SYNE3: variants seen among roughly 807,000 people sequenced by gnomAD.
SYNE3 encodes nesprin-3.
Under a neutral mutation model 111.2 loss-of-function variants are expected in SYNE3, and 100 were observed. The observed-to-expected ratio is 0.90, with a 90% confidence interval of 0.77 to 1.06. The LOEUF is 1.06. SYNE3 is among the 50% of genes least tolerant of loss of function. The pLI is 0.00. For missense variants in SYNE3, 1,160 were observed against 1,240.3 expected (o/e 0.94, Z 0.97); for synonymous variants, 547 against 533.9 (o/e 1.02, Z -0.34).
At chr14:95,504,826 AAAG>A (rs956002427) in intron 1 of SYNE3, among the ~76,000 whole-genome samples, 1 of 22,432 alleles carries the variant, frequency 4.5e-5, no homozygotes, top group Non-Finnish European at 9.8e-5. Flanking sequence ...ATCTAAAAAA[AAAG>A]AAAAAAGAAA....
Position 95,475,718 on chromosome 14 carries a change from C to G in SYNE3, c.104G>C (p.Gly35Ala), listed in dbSNP as rs1744198051. Residue 35 changes from glycine (G) to alanine (A), a missense_variant, in exon 2 of 18, where the codon GGA becomes GCA. Transcript: ENST00000682763. ...CCTGGCCTCCAGGGCCGCGCGGGGT[C>G]CCTGCGTGTTGTCATTGACCTGCAG... is the stretch of plus-strand genomic sequence containing the variant. ...DQLQVNDNTQGPRAALEARLW... is the reference protein window; with the variant it reads ...DQLQVNDNTQAPRAALEARLW... 1 of 1,603,540 alleles carries G rather than the reference C, an allele frequency of 6.2e-7. No homozygotes were observed. Among genetic ancestry groups the G allele is most frequent in the Non-Finnish European group, 8.5e-7 (1 of 1,175,808 alleles).
chr14:95,489,652 A>C lies in SYNE3; in HGVS notation c.-14-13817T>G, dbSNP rs561598190. 2.0e-5 allele frequency among the ~76,000 whole-genome samples: 3 copies of C among 152,308 alleles called. No homozygotes were observed. In the East Asian group the frequency reaches 5.8e-4, roughly 29 times the overall value. ...TTATTTTTAGAGACAGGGTCTTGCT[A>C]TGTTGCCCAGGCTGGTCTCAAACTT... On this transcript the variant is annotated intron_variant, in intron 1 of 17. Coordinates refer to ENST00000682763, the MANE Select transcript of SYNE3 (RefSeq NM_152592.6).
At chr14:95,424,026 G>T (rs749727709) in intron 17 of SYNE3, among the ~76,000 whole-genome samples, 3 of 151,994 alleles carry the variant, frequency 2.0e-5, no homozygotes, top group African/African-American at 7.3e-5. Context: ...TGATGAGTGG[G>T]AGGTGCCTGT....
chr14:95,479,897 C>A (rs931357431), intron 1 of SYNE3, among the ~76,000 whole-genome samples: 1 of 152,074 alleles, frequency 6.6e-6, no homozygotes, highest in Admixed American at 6.5e-5. Flanking sequence ...AAGCACTCTG[C>A]ACTCAAAGGT....
At chr14:95,457,645 C>T (rs543079084) in intron 4 of SYNE3, among the ~76,000 whole-genome samples, 2 of 152,178 alleles carry the variant, frequency 1.3e-5, no homozygotes, top group East Asian at 1.9e-4. Context: ...GGTGCGGCAA[C>T]AGCAACAACA....
At position 95,421,529 on chromosome 14, in the gene SYNE3, G is replaced by A. The variant is rs373384195; in HGVS notation, c.2728-3503C>T. Among the ~76,000 whole-genome samples, 61 of 152,326 alleles carry A rather than the reference G, an allele frequency of 4.0e-4. 1 individual carries two copies. In the South Asian group the frequency reaches 0.013, roughly 32 times the overall value. ...TGTCACTTAGCCTCTCAGAGCCTCA[G>A]TTTCTTCTCTGTTGGGAGAGAGTGA... On this transcript the variant is annotated intron_variant, in intron 17 of 17. Transcript: ENST00000682763.
chr14:95,497,508 C>G (rs1298717782), intron 1 of SYNE3, among the ~76,000 whole-genome samples: 1 of 152,176 alleles, frequency 6.6e-6, no homozygotes, highest in East Asian at 1.9e-4. Flanking sequence ...GACATCCACC[C>G]ACTCTACAGC....
chr14:95,439,687 G>A lies in SYNE3; in HGVS notation c.2171C>T (p.Ala724Val), dbSNP rs748337224. Residue 724 changes from alanine to valine, a missense_variant, in exon 13 of 18, where the codon GCC (alanine) becomes GTC (valine). Ala to Val is a moderately conservative substitution (Grantham distance 64). Coordinates refer to ENST00000682763, the MANE Select transcript of SYNE3 (RefSeq NM_152592.6). Reference protein sequence around the residue: ...VMEKSSPEGAAVVQEELRELA... With the variant: ...VMEKSSPEGAVVVQEELRELA... ...CTCCCTGAGCTCCTCCTGCACCACG[G>A]CAGCACCCTCCGGAGAAGACTTCTC... 109 of 1,613,996 alleles carry A rather than the reference G, an allele frequency of 6.8e-5. No individual in the cohort carries two copies. Among genetic ancestry groups the A allele is most frequent in the Non-Finnish European group, 9.1e-5 (107 of 1,180,038 alleles).
chr14:95,511,966 G>T (rs944535334), intron 1 of SYNE3, among the ~76,000 whole-genome samples: 3 of 152,090 alleles, frequency 2.0e-5, no homozygotes, highest in African/African-American at 7.2e-5. Flanking sequence ...CCAGTAGATT[G>T]GTCCAGGTGA....
At chr14:95,467,055 A>G (rs975299014) in intron 3 of SYNE3, among the ~76,000 whole-genome samples, 1 of 152,138 alleles carries the variant, frequency 6.6e-6, no homozygotes, top group African/African-American at 2.4e-5. Context: ...CATCTCTAAC[A>G]TGGAGGTGGC....
At chr14:95,512,930 C>T (rs1327786861) in intron 1 of SYNE3, among the ~76,000 whole-genome samples, 2 of 152,102 alleles carry the variant, frequency 1.3e-5, no homozygotes, top group Admixed American at 6.6e-5. Context: ...ACTGAAGAAA[C>T]AGAACATAAT....
chr14:95,429,967 T>TAAGGAAGGAAGGAAGGAAAGAAGGAAGG (rs1885653556), intron 17 of SYNE3: 1 of 852,510 alleles, frequency 1.2e-6, no homozygotes. Flanking sequence ...CAGTCAGAAC[T>TAAGGAAGGAAGGAAGGAAAGAAGGAAGG]AAGGAAGGAA....
chr14:95,512,425 A>G (rs1036978112), intron 1 of SYNE3, among the ~76,000 whole-genome samples: 1 of 152,192 alleles, frequency 6.6e-6, no homozygotes, highest in East Asian at 1.9e-4. Flanking sequence ...ATGGTGGCAC[A>G]TGCCTGTAAT....
At chr14:95,472,414 G>A (rs1888583094) in intron 2 of SYNE3, among the ~76,000 whole-genome samples, 1 of 152,212 alleles carries the variant, frequency 6.6e-6, no homozygotes, top group Admixed American at 6.5e-5. Flanking sequence ...ACCTGGGAGT[G>A]TGGCTGGAAG....
chr14:95,505,541 G>A (rs1219609910), intron 1 of SYNE3, among the ~76,000 whole-genome samples: 2 of 152,006 alleles, frequency 1.3e-5, no homozygotes, highest in African/African-American at 2.4e-5. Context: ...TGTGCATTAC[G>A]GTCATGATTT....
chr14:95,423,599 T>C (rs1595173497), intron 17 of SYNE3, among the ~76,000 whole-genome samples: 4 of 4,504 alleles, frequency 8.9e-4, no homozygotes, highest in Admixed American at 5.2e-3. Context: ...GGGGATTTGA[T>C]GGGGATGGGG....
intron 1 of SYNE3, among the ~76,000 whole-genome samples, chr14:95,483,357 G>A (rs953779446): frequency 7.9e-5 from 12 of 152,136 alleles, no homozygotes; most frequent in African/African-American, 1.2e-4. Context: ...GGGCGTGCTC[G>A]CTTGCCGTGA....
At chr14:95,478,995 C>G (rs1889059015) in intron 1 of SYNE3, among the ~76,000 whole-genome samples, 1 of 152,012 alleles carries the variant, frequency 6.6e-6, no homozygotes, top group Admixed American at 6.5e-5. Flanking sequence ...TCCCAGTGGT[C>G]AAGTCCCCAT....
At position 95,417,607 on chromosome 14, in the gene SYNE3, T is replaced by G; in HGVS notation, c.*219A>C. On this transcript the variant is annotated 3_prime_UTR_variant, in exon 18 of 18. Transcript: ENST00000682763. ...GATCATATAAAAATTCTAGACATTA[T>G]TCCCTAGTCACATGTAGTACACATT... 1 of 590,892 alleles carries G rather than the reference T, an allele frequency of 1.7e-6. No homozygotes were observed. Among genetic ancestry groups the G allele is most frequent in the East Asian group, 2.8e-5 (1 of 35,348 alleles). The allele number at this position is 590,892 out of a possible 1,614,324, so 36.6% of individuals were successfully genotyped here. A position where few individuals can be genotyped will look rare whatever the true frequency, so the allele number is the denominator to read the frequency against.
Sources: gnomAD v4.1 joint callset for allele counts (sites outside exome capture counted in the v4.1 genomes callset) on GRCh38, gnomAD v4.1.1 for gene constraint, MANE v1.5 for transcripts, NCBI Gene and HGNC (gene_info 2026-07-23, HGNC 2026-07-21) for gene names.